The following KCND2 variants were observed in gnomAD, a reference collection of about 807,000 sequenced individuals.
KCND2 encodes potassium voltage-gated channel subfamily D member 2, also known as A-type voltage-gated potassium channel KCND2.
Under a neutral mutation model 54.4 loss-of-function variants are expected in KCND2, and 16 were observed. The observed-to-expected ratio is 0.29, with a 90% confidence interval of 0.20 to 0.45. The LOEUF is 0.45. KCND2 is among the 20% of genes least tolerant of loss of function. The pLI is 1.00. For missense variants in KCND2, 486 were observed against 824.2 expected (o/e 0.59, Z 5.02); for synonymous variants, 317 against 310.7 (o/e 1.02, Z -0.21).
chr7:120,315,279 A>G (rs559250510), intron 1 of KCND2, among the ~76,000 whole-genome samples: 1 of 152,286 alleles, frequency 6.6e-6, no homozygotes, highest in Admixed American at 6.5e-5. Context: ...AACAGACCCA[A>G]GAGTTTTCTG....
chr7:120,665,341 T>A (rs986171277), intron 1 of KCND2, among the ~76,000 whole-genome samples: 9 of 152,262 alleles, frequency 5.9e-5, no homozygotes, highest in Non-Finnish European at 1.0e-4. Context: ...TTAAGTTGAA[T>A]GTGACATATT....
At chr7:120,639,332 C>T (rs1401477055) in intron 1 of KCND2, among the ~76,000 whole-genome samples, 1 of 152,112 alleles carries the variant, frequency 6.6e-6, no homozygotes, top group East Asian at 1.9e-4. Context: ...CAATATGATA[C>T]ATTTTTATGT....
intron 1 of KCND2, among the ~76,000 whole-genome samples, chr7:120,547,432 C>A (rs1437385751): frequency 1.3e-5 from 2 of 151,806 alleles, no homozygotes; most frequent in Non-Finnish European, 2.9e-5. Context: ...TACTTTTTGA[C>A]CCTCACTGCA....
intron 1 of KCND2, among the ~76,000 whole-genome samples, chr7:120,324,327 G>T (rs1355844941): frequency 4.7e-5 from 7 of 148,060 alleles, no homozygotes; most frequent in African/African-American, 1.7e-4. Context: ...GTCAATTTTG[G>T]CTTTTGTTGC....
chr7:120,395,367 A>G (rs558108530), intron 1 of KCND2, among the ~76,000 whole-genome samples: 3 of 152,216 alleles, frequency 2.0e-5, no homozygotes, highest in African/African-American at 4.8e-5. Flanking sequence ...TTTTCAAGGT[A>G]GGAAAATTAA....
In KCND2 at chr7:120,336,197, C is replaced by T. The variant is rs563802078; in HGVS notation, c.1115+60450C>T. On this transcript the variant is annotated intron_variant, in intron 1 of 5. Transcript: ENST00000331113. ...ATTTATTTAAGGGCAATGTTGATAG[C>T]TAAATCAGATTATGTCTATAGACAT... Among the ~76,000 whole-genome samples the T allele has an allele frequency of 2.0e-5, 3 of 152,264 alleles. No individual in the cohort carries two copies. The South Asian group carries it at 6.2e-4, about 32-fold the overall frequency.
intron 1 of KCND2, among the ~76,000 whole-genome samples, chr7:120,504,795 A>T (rs559485917): frequency 6.6e-6 from 1 of 151,674 alleles, no homozygotes; most frequent in African/African-American, 2.4e-5. Context: ...CAATACACAG[A>T]TGCATTTTTT....
At chr7:120,277,844 T>C (rs544966542) in intron 1 of KCND2, among the ~76,000 whole-genome samples, 1 of 152,152 alleles carries the variant, frequency 6.6e-6, no homozygotes, top group East Asian at 1.9e-4. Context: ...AATTGAATTA[T>C]ATTGCCTGAG....
intron 1 of KCND2, among the ~76,000 whole-genome samples, chr7:120,462,645 C>T (rs951097470): frequency 4.6e-5 from 7 of 151,896 alleles, no homozygotes; most frequent in African/African-American, 1.7e-4. Flanking sequence ...GCCCTGAGCC[C>T]TATCCCTTGG....
chr7:120,524,228 C>A (rs1386225824), intron 1 of KCND2, among the ~76,000 whole-genome samples: 25 of 150,784 alleles, frequency 1.7e-4, no homozygotes, highest in Admixed American at 1.6e-3. Context: ...GAGCAAGACT[C>A]CGTCAAAAAA....
At chr7:120,434,994 A>G (rs1256532516) in intron 1 of KCND2, among the ~76,000 whole-genome samples, 2 of 152,176 alleles carry the variant, frequency 1.3e-5, no homozygotes, top group African/African-American at 4.8e-5. Flanking sequence ...GTATATTTTC[A>G]TGGTAGAAAA....
At chr7:120,286,483 T>C (rs1460088357) in intron 1 of KCND2, among the ~76,000 whole-genome samples, 1 of 151,890 alleles carries the variant, frequency 6.6e-6, no homozygotes, top group African/African-American at 2.4e-5. Flanking sequence ...TACAAATAGG[T>C]GCTATATGAG....
intron 1 of KCND2, among the ~76,000 whole-genome samples, chr7:120,472,568 C>T (rs1802474543): frequency 6.6e-6 from 1 of 151,884 alleles, no homozygotes; most frequent in Non-Finnish European, 1.5e-5. Flanking sequence ...TAAATACACA[C>T]ACACACACAC....
chr7:120,316,332 G>C (rs1456347542), intron 1 of KCND2, among the ~76,000 whole-genome samples: 1 of 152,156 alleles, frequency 6.6e-6, no homozygotes, highest in East Asian at 1.9e-4. Flanking sequence ...ATGTGATGCA[G>C]AGGCAATTTT....
intron 1 of KCND2, among the ~76,000 whole-genome samples, chr7:120,502,769 G>GT (rs2116319207): frequency 6.6e-6 from 1 of 151,910 alleles, no homozygotes; most frequent in East Asian, 1.9e-4. Context: ...AATTTTATTT[G>GT]TATCTACCAA....
chr7:120,605,504 T>TATG (rs1792871125), intron 1 of KCND2, among the ~76,000 whole-genome samples: 1 of 152,238 alleles, frequency 6.6e-6, no homozygotes, highest in South Asian at 2.1e-4. Flanking sequence ...TGGGGGCTAT[T>TATG]ATGATAAATT....
intron 1 of KCND2, among the ~76,000 whole-genome samples, chr7:120,575,587 A>G (rs1792421629): frequency 6.6e-6 from 1 of 152,154 alleles, no homozygotes; most frequent in Non-Finnish European, 1.5e-5. Flanking sequence ...CTTCAATCCA[A>G]TCAAGTTGAC....
chr7:120,535,204 T>C (rs570585799), intron 1 of KCND2, among the ~76,000 whole-genome samples: 177 of 152,286 alleles, frequency 1.2e-3, no homozygotes, highest in Admixed American at 2.2e-3. Context: ...TTCTCACAAA[T>C]AACAATATAT....
intron 1 of KCND2, among the ~76,000 whole-genome samples, chr7:120,722,783 C>A (rs1792684810): frequency 6.6e-6 from 1 of 152,126 alleles, no homozygotes; most frequent in Non-Finnish European, 1.5e-5. Flanking sequence ...TTTAAGGCTG[C>A]CTAACTGACA....
Sources: allele counts gnomAD v4.1 joint callset (sites outside exome capture counted in the v4.1 genomes callset), GRCh38; gene constraint gnomAD v4.1.1; transcripts MANE v1.5; gene names NCBI Gene and HGNC (gene_info 2026-07-23, HGNC 2026-07-21).